LARGE1: variants seen among roughly 807,000 people sequenced by gnomAD.
The protein encoded by LARGE1 is LARGE xylosyl- and glucuronyltransferase 1, also known as xylosyl- and glucuronyltransferase LARGE1.
In LARGE1, 43 loss-of-function variants were observed where a neutral mutation model predicts 87.6. The ratio of observed to expected loss-of-function variants is 0.49; its 90% CI spans 0.38 to 0.63. The LOEUF is 0.63. Among genes scored for constraint, LARGE1 ranks in the 30% least tolerant of loss-of-function variants. The pLI is 0.00. For synonymous variants in LARGE1, 434 were observed against 394.6 expected (o/e 1.10, Z -1.18); for missense variants, 802 against 1,000.2 (o/e 0.80, Z 2.67).
At chr22:33,676,650 T>C (rs1251181717) in intron 2 of LARGE1, among the ~76,000 whole-genome samples, 2 of 151,822 alleles carry the variant, frequency 1.3e-5, no homozygotes, top group Admixed American at 1.3e-4. Context: ...AAGAACATTG[T>C]ATTAATTCTC....
chr22:33,503,010 G>C (rs560201766), intron 6 of LARGE1, among the ~76,000 whole-genome samples: 1 of 152,202 alleles, frequency 6.6e-6, no homozygotes, highest in Non-Finnish European at 1.5e-5. Flanking sequence ...AGGTCACTGA[G>C]GTGGTGAGTT....
chr22:33,594,655 G>T (rs1177757613), intron 5 of LARGE1, among the ~76,000 whole-genome samples: 1 of 152,190 alleles, frequency 6.6e-6, no homozygotes, highest in Non-Finnish European at 1.5e-5. Flanking sequence ...CGCCCAGCCT[G>T]GAGTGCAATG....
chr22:33,371,994 A>G (rs948895920), intron 9 of LARGE1, among the ~76,000 whole-genome samples: 1 of 152,114 alleles, frequency 6.6e-6, no homozygotes, highest in Non-Finnish European at 1.5e-5. Context: ...AAAAAAAAAA[A>G]AAAAGTTTAT....
intron 9 of LARGE1, among the ~76,000 whole-genome samples, chr22:33,378,487 G>A (rs1238348756): frequency 2.6e-5 from 4 of 152,166 alleles, no homozygotes; most frequent in Non-Finnish European, 5.9e-5. Flanking sequence ...AAGGTCCTGT[G>A]TATAGTATTT....
intron 6 of LARGE1, among the ~76,000 whole-genome samples, chr22:33,471,094 C>T (rs2148109166): frequency 7.1e-6 from 1 of 140,812 alleles, no homozygotes; most frequent in African/African-American, 2.7e-5. Flanking sequence ...GTGGCGTGAT[C>T]TCTGCTCACG....
rs560405893 is a variant in LARGE1, at chr22:33,756,958, G to A, written c.106+4413C>T. Among the ~76,000 whole-genome samples the A allele has an allele frequency of 6.6e-4, 100 of 152,300 alleles. 1 individual carries two copies. Among genetic ancestry groups the A allele is most frequent in the Non-Finnish European group, 1.3e-3 (91 of 68,032 alleles). ...AGGATTACTCCCAAGTTTAGGGCCT[G>A]AACGGCGTAGAGCTGGGAATGCTGA... On this transcript the variant is annotated intron_variant, in intron 2 of 14. Transcript: ENST00000397394.
intron 6 of LARGE1, among the ~76,000 whole-genome samples, chr22:33,552,156 G>GT (rs1205193321): frequency 6.6e-6 from 1 of 152,142 alleles, no homozygotes; most frequent in Non-Finnish European, 1.5e-5. Flanking sequence ...TGTGCATATG[G>GT]TAACAAGTAG....
chr22:33,127,945 C>G, the LARGE1 span, among the ~76,000 whole-genome samples: 1 of 152,156 alleles, frequency 6.6e-6, no homozygotes, highest in Non-Finnish European at 1.5e-5. Flanking sequence ...AACATTTTGT[C>G]CATTCTCTCT....
chr22:33,641,388 C>T (rs1202071980), intron 3 of LARGE1, among the ~76,000 whole-genome samples: 3 of 152,050 alleles, frequency 2.0e-5, no homozygotes, highest in Admixed American at 6.6e-5. Flanking sequence ...CATCAGCATC[C>T]AAGATCAAAG....
chr22:33,619,916 C>T (rs1339437919), intron 4 of LARGE1, among the ~76,000 whole-genome samples: 2 of 152,158 alleles, frequency 1.3e-5, no homozygotes, highest in African/African-American at 4.8e-5. Flanking sequence ...CAAAACGGGG[C>T]TCTAAGGCAG....
intron 2 of LARGE1, among the ~76,000 whole-genome samples, chr22:33,657,551 G>A (rs532576611): frequency 2.6e-5 from 4 of 152,100 alleles, no homozygotes; most frequent in Non-Finnish European, 5.9e-5. Flanking sequence ...ACAAATGGCT[G>A]TGGCTGTGTT....
rs138854443 is a variant in LARGE1 at position 33,518,592 on chromosome 22, A to G, written c.787+46256T>C. Among the ~76,000 whole-genome samples the G allele has an allele frequency of 8.2e-3, 1,254 of 152,128 alleles. 11 individuals carry two copies. Among genetic ancestry groups the G allele is most frequent in the African/African-American group, 0.029 (1,187 of 41,500 alleles). On this transcript the variant is annotated intron_variant, in intron 6 of 14. Coordinates refer to ENST00000397394, the MANE Select transcript of LARGE1 (RefSeq NM_133642.5). ...CCAAAAGGTTGGGATCACAGGCACG[A>G]CCCACCGCGCCCGGCCTCAGGCACA... is the stretch of plus-strand genomic sequence containing the variant.
chr22:33,092,072 G>C, the LARGE1 span, among the ~76,000 whole-genome samples: 35,496 of 151,692 alleles, frequency 0.23, 4,777 homozygotes, highest in African/African-American at 0.37. Flanking sequence ...GCTAATTTTT[G>C]TATTTTTAGT....
intron 2 of LARGE1, among the ~76,000 whole-genome samples, chr22:33,696,643 A>C (rs914267412): frequency 2.6e-5 from 4 of 152,322 alleles, no homozygotes; most frequent in African/African-American, 9.6e-5. Context: ...GCTGCAACAC[A>C]TTCTTACCAA....
chr22:33,469,886 CTTTTT>C (rs537465362), intron 6 of LARGE1, among the ~76,000 whole-genome samples: 5 of 117,012 alleles, frequency 4.3e-5, no homozygotes, highest in African/African-American at 1.6e-4. Flanking sequence ...TATGTTTACT[CTTTTT>C]TTTTTTTTTT....
At chr22:33,160,577 C>A (rs1921990473), downstream of LARGE1, among the ~76,000 whole-genome samples, 2 of 152,138 alleles carry the variant, frequency 1.3e-5, no homozygotes, top group Non-Finnish European at 1.5e-5. Context: ...TTTTTATATC[C>A]ACCTTAAAAT....
At chr22:33,193,816 A>G (rs1249401023) in intron 11 of LARGE1, among the ~76,000 whole-genome samples, 1 of 150,374 alleles carries the variant, frequency 6.7e-6, no homozygotes. Context: ...AGACTATAAA[A>G]AGTAATTTAT....
chr22:33,849,205 C>T (rs775182348), intron 1 of LARGE1, among the ~76,000 whole-genome samples: 1 of 152,174 alleles, frequency 6.6e-6, no homozygotes, highest in African/African-American at 2.4e-5. Flanking sequence ...CAGGATAAGA[C>T]GCTGCCTCAG....
At chr22:33,692,304 A>G (rs879456498) in intron 2 of LARGE1, among the ~76,000 whole-genome samples, 6 of 142,212 alleles carry the variant, frequency 4.2e-5, no homozygotes, top group Admixed American at 3.6e-4. Flanking sequence ...CAATAACAGC[A>G]ACATTTATTT....
Sources: allele counts gnomAD v4.1 joint callset (sites outside exome capture counted in the v4.1 genomes callset), GRCh38; gene constraint gnomAD v4.1.1; transcripts MANE v1.5; gene names NCBI Gene and HGNC (gene_info 2026-07-23, HGNC 2026-07-21).